The following DNAAF9 variants were observed in gnomAD, a reference collection of about 807,000 sequenced individuals.
The protein encoded by DNAAF9 is shulin.
DNAAF9 carries 90 observed loss-of-function variants against 167.0 expected under a neutral mutation model. That is an observed-to-expected ratio of 0.54 (90% CI 0.45 to 0.64). The LOEUF (loss-of-function observed/expected upper bound fraction) is 0.64, where lower values mean the gene tolerates loss of function less well. Among genes scored for constraint, DNAAF9 ranks in the 30% least tolerant of loss-of-function variants. The pLI, the probability that DNAAF9 is intolerant of heterozygous loss-of-function variation, is 0.00. For missense variants in DNAAF9, 1,315 were observed against 1,442.2 expected (o/e 0.91, Z 1.43); for synonymous variants, 491 against 508.8 (o/e 0.96, Z 0.47).
chr20:3,349,104 G>A (rs1319971636), intron 7 of DNAAF9, among the ~76,000 whole-genome samples: 2 of 148,238 alleles, frequency 1.3e-5, no homozygotes, highest in Admixed American at 6.9e-5. Flanking sequence ...CTGTAACTCC[G>A]GAACTTTGGG....
intron 18 of DNAAF9, chr20:3,316,100 G>C (rs2069495791): frequency 4.8e-6 from 2 of 420,214 alleles, no homozygotes; most frequent in Non-Finnish European, 4.3e-6. Context: ...ATGAAGCAAA[G>C]ATAATGTATT....
Position 3,330,693 on chromosome 20 carries a change from G to C in DNAAF9, c.1064-11C>G, listed in dbSNP as rs759382203. The C allele has an allele frequency of 3.2e-6, 5 of 1,569,292 alleles. No individual in the cohort carries two copies. The highest frequency in any genetic ancestry group is 4.4e-6 in the Non-Finnish European group (5 of 1,141,998). ...GCTTGCTGTCACCACCTGTGAAAGA[G>C]GCCCACTAAGAATGTGACAAGAGCA... On this transcript the variant is annotated splice_polypyrimidine_tract_variant and intron_variant, in intron 11 of 36. Transcript: ENST00000252032.
chr20:3,376,153 T>A, intron 4 of DNAAF9, 25 bp downstream of exon 4: 1 of 1,606,882 alleles, frequency 6.2e-7, no homozygotes, highest in Non-Finnish European at 8.5e-7. Context: ...TGTCTCTAGG[T>A]GCCTGTCTTC....
At chr20:3,331,196 C>G (rs2069822658) in intron 11 of DNAAF9, among the ~76,000 whole-genome samples, 1 of 152,222 alleles carries the variant, frequency 6.6e-6, no homozygotes, top group Non-Finnish European at 1.5e-5. Context: ...ACTTTTACAA[C>G]CCACTCAGCA....
At chr20:3,404,969 G>A (rs2084036428) in intron 1 of DNAAF9, among the ~76,000 whole-genome samples, 2 of 152,092 alleles carry the variant, frequency 1.3e-5, no homozygotes, top group Admixed American at 1.3e-4. Flanking sequence ...TTGACTGATG[G>A]GTGGCTGCCA....
intron 8 of DNAAF9, among the ~76,000 whole-genome samples, chr20:3,345,007 C>A (rs1194625152): frequency 6.6e-6 from 1 of 152,098 alleles, no homozygotes; most frequent in Non-Finnish European, 1.5e-5. Context: ...GGATATTTAT[C>A]AATTGGAGTG....
At chr20:3,380,024 C>A (rs112936328) in intron 3 of DNAAF9, among the ~76,000 whole-genome samples, 7,201 of 152,250 alleles carry the variant, frequency 0.047, 267 homozygotes, top group African/African-American at 0.1. Context: ...CAACTGCACT[C>A]CGGCCTGGGC....
chr20:3,367,977 C>T (rs1293526219), intron 6 of DNAAF9, among the ~76,000 whole-genome samples: 2 of 151,594 alleles, frequency 1.3e-5, no homozygotes, highest in African/African-American at 4.9e-5. Context: ...TTAAGATAGG[C>T]CTGTATGTGT....
chr20:3,369,735 G>A (rs1485289506), intron 6 of DNAAF9, among the ~76,000 whole-genome samples: 1 of 152,024 alleles, frequency 6.6e-6, no homozygotes, highest in Non-Finnish European at 1.5e-5. Context: ...TTCTATCTCC[G>A]TGATGTTTTT....
rs2122742600 is a variant in DNAAF9, at chr20:3,259,400, AC to A, written c.3055+79del. 9 of 923,208 alleles carry A rather than the reference AC, an allele frequency of 9.7e-6. No individual in the cohort carries two copies. The South Asian group carries it at 1.2e-4, about 12-fold the overall frequency. The allele number at this position is 923,208 out of a possible 1,614,324, so 57.2% of individuals were successfully genotyped here. Reference sequence around the variant, plus strand: ...GAGCAGCATCAGTGGTCTGCAGAGCACCAGCAGAGGCTCTGAACTCACATCA... The same window carrying A: ...GAGCAGCATCAGTGGTCTGCAGAGCACAGCAGAGGCTCTGAACTCACATCA... On this transcript the variant is annotated intron_variant, in intron 33 of 36. Transcript: ENST00000252032.
intron 21 of DNAAF9, among the ~76,000 whole-genome samples, chr20:3,300,836 A>C (rs1288530961): frequency 6.7e-6 from 1 of 149,084 alleles, no homozygotes; most frequent in Non-Finnish European, 1.5e-5. Context: ...GAGCCACTGC[A>C]TCCAGCCCTG....
chr20:3,370,773 G>A lies in DNAAF9; in HGVS notation c.612+3275C>T, dbSNP rs190836751. Among the ~76,000 whole-genome samples, 53 of 152,126 alleles carry A rather than the reference G, an allele frequency of 3.5e-4. No individual in the cohort carries two copies. The South Asian group carries it at 4.4e-3, about 13-fold the overall frequency. On this transcript the variant is annotated intron_variant, in intron 6 of 36. Transcript: ENST00000252032. ...TGGTCTTGAACTCCTGGCTTCACGCGATCCTCCCGCCTTGGCCTCCCAAAG... is the reference window on the plus strand; with the variant it reads ...TGGTCTTGAACTCCTGGCTTCACGCAATCCTCCCGCCTTGGCCTCCCAAAG...
At chr20:3,271,870 C>T (rs1264035075) in intron 29 of DNAAF9, among the ~76,000 whole-genome samples, 6 of 152,028 alleles carry the variant, frequency 3.9e-5, no homozygotes, top group Non-Finnish European at 8.8e-5. Flanking sequence ...CTGCCTGCCT[C>T]GGCCTCCCAA....
intron 21 of DNAAF9, among the ~76,000 whole-genome samples, chr20:3,300,113 G>C (rs1379510294): frequency 6.6e-6 from 1 of 152,112 alleles, no homozygotes; most frequent in Non-Finnish European, 1.5e-5. Context: ...ATGCTGGCCA[G>C]GTTGGTCTCA....
At chr20:3,342,217 T>A (rs1331213583) in intron 9 of DNAAF9, among the ~76,000 whole-genome samples, 1 of 152,142 alleles carries the variant, frequency 6.6e-6, no homozygotes, top group African/African-American at 2.4e-5. Flanking sequence ...TGATGTCCCT[T>A]ATGTTCTTGT....
At chr20:3,276,371 A>G (rs959125735) in intron 29 of DNAAF9, among the ~76,000 whole-genome samples, 5 of 152,182 alleles carry the variant, frequency 3.3e-5, no homozygotes, top group African/African-American at 1.2e-4. Flanking sequence ...AGGAGTTCCG[A>G]AAACAGCATA....
chr20:3,381,310 TA>T, intron 3 of DNAAF9, 68 bp downstream of exon 3: 1 of 1,273,342 alleles, frequency 7.9e-7, no homozygotes, highest in Non-Finnish European at 1.1e-6. Context: ...AAGAAGACCA[TA>T]AAATAAGGAT....
At position 3,332,262 on chromosome 20, in the gene DNAAF9, C is replaced by T. The variant is rs769085077; in HGVS notation, c.1063+18G>A. On this transcript the variant is annotated intron_variant, in intron 11 of 36. Transcript: ENST00000252032. ...TTCATTAGATAAGCTGATGAGATGA[C>T]AACTTATAGGGACTTACCCAAGTAA... 2 of 1,312,872 alleles carry T rather than the reference C, an allele frequency of 1.5e-6. No homozygotes were observed. The highest frequency in any genetic ancestry group is 2.3e-5 in the East Asian group (1 of 43,418). 81.3% of individuals were successfully genotyped at this position (1,312,872 alleles called of 1,614,324 possible).
chr20:3,316,960 T>C (rs955377555), intron 17 of DNAAF9, among the ~76,000 whole-genome samples, 167 bp from the exon 18 acceptor site: 17 of 140,080 alleles, frequency 1.2e-4, no homozygotes, highest in Non-Finnish European at 2.4e-4. Context: ...AGTGGCGCCA[T>C]CTCGGCTCAC....
Sources: gnomAD v4.1 joint callset for allele counts (sites outside exome capture counted in the v4.1 genomes callset) on GRCh38, gnomAD v4.1.1 for gene constraint, MANE v1.5 for transcripts, NCBI Gene and HGNC (gene_info 2026-07-23, HGNC 2026-07-21) for gene names.